The following RPS6KB2 variants were observed in gnomAD, a reference collection of about 807,000 sequenced individuals.
The protein encoded by RPS6KB2 is ribosomal protein S6 kinase B2.
In RPS6KB2, 51 loss-of-function variants were observed where a neutral mutation model predicts 58.2. The ratio of observed to expected loss-of-function variants is 0.88; its 90% CI spans 0.70 to 1.11. RPS6KB2 has a LOEUF of 1.11. RPS6KB2 is among the 50% of genes least tolerant of loss of function. RPS6KB2 has a pLI of 0.00. For synonymous variants in RPS6KB2, 293 were observed against 258.6 expected, an observed-to-expected ratio of 1.13 and a Z score of -1.28; for missense variants, 671 against 655.8, an observed-to-expected ratio of 1.02 and a Z score of -0.25.
chr11:67,433,550 A>C (rs1864123109), intron 10 of RPS6KB2, 103 bp downstream of exon 10: 1 of 878,596 alleles, frequency 1.1e-6, no homozygotes. Context: ...CGGCCTGTGC[A>C]GTTTGCCTCT....
chr11:67,434,840 C>A, intron 14 of RPS6KB2, 146 bp downstream of exon 14: 1 of 991,444 alleles, frequency 1.0e-6, no homozygotes, highest in Non-Finnish European at 1.5e-6. Context: ...GTTCCTACAC[C>A]CCTTGTGGCC....
rs745857359 is a variant in RPS6KB2 at position 67,434,664 on chromosome 11, G to C, written c.1238G>C (p.Arg413Pro). Reference sequence around the variant, plus strand: ...CAGCCCAAGCTGCGCTCACCCAGGCGCCTCAACAGTAGCCCCCGGGCCCCC... The same window carrying C: ...CAGCCCAAGCTGCGCTCACCCAGGCCCCTCAACAGTAGCCCCCGGGCCCCC... ...SFQPKLRSPR[R>P]LNSSPRAPVS... is the part of the protein sequence containing the mutation. The change falls in exon 14 of 15, where the codon CGC becomes CCC. Residue 413 changes from arginine (R) to proline (P), a missense_variant. Arg to Pro is a moderately radical substitution (Grantham distance 103, BLOSUM62 -2). Coordinates refer to ENST00000312629, the MANE Select transcript of RPS6KB2 (RefSeq NM_003952.3). The C allele has an allele frequency of 5.6e-6, 9 of 1,610,194 alleles. No homozygotes were observed. Among genetic ancestry groups the C allele is most frequent in the Non-Finnish European group, 6.8e-6 (8 of 1,179,056 alleles).
rs1021676792 is a variant in RPS6KB2 at position 67,428,691 on chromosome 11, G to C, written c.78+68G>C. The C allele has an allele frequency of 1.2e-5, 17 of 1,453,912 alleles. No homozygotes were observed. In the East Asian group the frequency reaches 2.9e-4, roughly 25 times the overall value. 90.1% of individuals were successfully genotyped at this position (1,453,912 alleles called of 1,614,324 possible). On this transcript the variant is annotated intron_variant, in intron 1 of 14. Transcript: ENST00000312629. Reference sequence around the variant, plus strand: ...CTGTCACCCAGCCGAGGCCGGAGCGGCGGCTCCGCACGCCCAGAGCGGGCT... The same window carrying C: ...CTGTCACCCAGCCGAGGCCGGAGCGCCGGCTCCGCACGCCCAGAGCGGGCT...
rs1490024725 is a variant in RPS6KB2 at position 67,433,413 on chromosome 11, A to G, written c.872A>G (p.Tyr291Cys). 7 of 1,613,504 alleles carry G rather than the reference A, an allele frequency of 4.3e-6. No individual in the cohort carries two copies. In the African/African-American group the frequency reaches 6.7e-5, roughly 15 times the overall value. ...AGGGGCAAGCTGGCACTGCCCCCCT[A>G]CCTCACCCCAGATGCCCGGGACCTT... Reference protein sequence around the residue: ...IIRGKLALPPYLTPDARDLVK... With the variant: ...IIRGKLALPPCLTPDARDLVK... Residue 291 changes from tyrosine to cysteine, a missense_variant, in exon 10 of 15, where the codon TAC (tyrosine) becomes TGC (cysteine). Coordinates refer to ENST00000312629, the MANE Select transcript of RPS6KB2 (RefSeq NM_003952.3).
chr11:67,428,802 A>G, intron 1 of RPS6KB2, 179 bp downstream of exon 1: 2 of 928,192 alleles, frequency 2.2e-6, no homozygotes, highest in South Asian at 1.5e-5. Context: ...CTCTTCCAGA[A>G]CCCCAGCCTT....
chr11:67,432,572 C>A, intron 5 of RPS6KB2, 28 bp from the exon 6 acceptor site: 1 of 1,613,616 alleles, frequency 6.2e-7, no homozygotes, highest in Non-Finnish European at 8.5e-7. Flanking sequence ...GGACCCAGCA[C>A]GTGGCTGCTG....
intron 14 of RPS6KB2, 57 bp downstream of exon 14, chr11:67,434,751 C>A: frequency 7.2e-7 from 1 of 1,382,330 alleles, no homozygotes; most frequent in Non-Finnish European, 1.0e-6. Context: ...GGCAGGATGC[C>A]AGCTCCAGCC....
In RPS6KB2 at chr11:67,433,382, A is replaced by C. The variant is rs747678167; in HGVS notation, c.841A>C (p.Ile281Leu). Residue 281 changes from isoleucine (I) to leucine (L), a missense_variant, in exon 10 of 15, where the codon ATC (isoleucine) becomes CTC (leucine). Coordinates refer to ENST00000312629, the MANE Select transcript of RPS6KB2 (RefSeq NM_003952.3). ...AENRKKTMDK[I>L]IRGKLALPPY... ...GAACCGGAAGAAAACCATGGATAAG[A>C]TCATCAGGGGCAAGCTGGCACTGCC... 1 of 1,613,802 alleles carries C rather than the reference A, an allele frequency of 6.2e-7. No homozygotes were observed. Among genetic ancestry groups the C allele is most frequent in the Non-Finnish European group, 8.5e-7 (1 of 1,179,954 alleles).
In RPS6KB2 at chr11:67,433,226, G is replaced by A. The variant is rs768278648; in HGVS notation, c.798+10G>A. On this transcript the variant is annotated intron_variant, in intron 9 of 14. Coordinates refer to ENST00000312629, the MANE Select transcript of RPS6KB2 (RefSeq NM_003952.3). ...CATGCTCACTGGATCGGCAAGTCCA[G>A]CCCCCGGGGAGGAGGAGGGGCAGGG... 1 of 1,606,956 alleles carries A rather than the reference G, an allele frequency of 6.2e-7. No individual in the cohort carries two copies. Among genetic ancestry groups the A allele is most frequent in the South Asian group, 1.1e-5 (1 of 91,008 alleles).
chr11:67,432,813 G>C lies in RPS6KB2; in HGVS notation c.592G>C (p.Glu198Gln), dbSNP rs187592167. ...CATCATCTACCGGGACCTCAAGCCC[G>C]AGAACATCATGCTCAGCAGCCAGGG... ...QGIIYRDLKP[E>Q]NIMLSSQGHI... Residue 198 changes from glutamate to glutamine, a missense_variant, in exon 7 of 15, where the codon GAG (glutamate) becomes CAG (glutamine). Glu to Gln is a conservative substitution (Grantham distance 29). Coordinates refer to ENST00000312629, the MANE Select transcript of RPS6KB2 (RefSeq NM_003952.3). 6.2e-7 allele frequency: 1 copy of C among 1,614,014 alleles called. No individual in the cohort carries two copies. The highest frequency in any genetic ancestry group is 1.7e-5 in the Admixed American group (1 of 60,022).
chr11:67,430,634 A>G (rs1863990195), intron 4 of RPS6KB2: 1 of 152,006 alleles, frequency 6.6e-6, no homozygotes, highest in Non-Finnish European at 1.5e-5. Context: ...GGGTTTCACC[A>G]TGTTGGTCAG....
In RPS6KB2 at chr11:67,429,182, G is replaced by A; in HGVS notation, c.182G>A (p.Arg61His). Reference sequence around the variant, plus strand: ...ACCAGCGTGAACGTTGGCCCAGAGCGCATCGGGCCCCACTGCTTTGAGCTG... The same window carrying A: ...ACCAGCGTGAACGTTGGCCCAGAGCACATCGGGCCCCACTGCTTTGAGCTG... ...TETSVNVGPE[R>H]IGPHCFELLR... Residue 61 changes from arginine (R) to histidine (H), a missense_variant, in exon 3 of 15, where the codon CGC (arginine) becomes CAC (histidine). Coordinates refer to ENST00000312629, the MANE Select transcript of RPS6KB2 (RefSeq NM_003952.3). 6.2e-7 allele frequency: 1 copy of A among 1,613,838 alleles called. No individual in the cohort carries two copies. Among genetic ancestry groups the A allele is most frequent in the South Asian group, 1.1e-5 (1 of 91,088 alleles).
intron 5 of RPS6KB2, 123 bp from the exon 6 acceptor site, chr11:67,432,477 C>T (rs1864058961): frequency 1.0e-6 from 1 of 1,001,898 alleles, no homozygotes; most frequent in Non-Finnish European, 1.6e-6. Flanking sequence ...ATCCCCACGG[C>T]AGCTCTGTGA....
In RPS6KB2 at chr11:67,435,098, G is replaced by T. The variant is rs369452492; in HGVS notation, c.1378G>T (p.Ala460Ser). The part of the protein sequence containing the change: ...LLPPPPPSTT[A>S]PLPIRPPSGT... ...GCCACCGCCGCCGCCCTCGACCACC[G>T]CCCCTCTCCCCATCCGTCCCCCCTC... The change falls in exon 15 of 15, where the codon GCC becomes TCC. Residue 460 changes from alanine (A) to serine (S), a missense_variant. Ala to Ser is a moderately conservative substitution (Grantham distance 99, BLOSUM62 1). Transcript: ENST00000312629. The T allele has an allele frequency of 3.1e-6, 5 of 1,608,610 alleles. No individual in the cohort carries two copies. In the South Asian group the frequency reaches 4.4e-5, roughly 14 times the overall value.
intron 10 of RPS6KB2, 22 bp downstream of exon 10, chr11:67,433,469 T>C: frequency 6.4e-7 from 1 of 1,552,462 alleles, no homozygotes; most frequent in Non-Finnish European, 8.9e-7. Context: ...TTCTCTCTTC[T>C]CCGGGGCCCT....
chr11:67,434,735 C>T (rs1864204688), intron 14 of RPS6KB2, 41 bp downstream of exon 14: 2 of 1,481,796 alleles, frequency 1.3e-6, no homozygotes, highest in Non-Finnish European at 9.2e-7. Flanking sequence ...GTTAGGGACG[C>T]TGGCAGGCAG....
At position 67,432,804 on chromosome 11, in the gene RPS6KB2, C is replaced by T. The variant is rs778734222; in HGVS notation, c.583C>T (p.Leu195Phe). Residue 195 changes from leucine to phenylalanine, a missense_variant, in exon 7 of 15, where the codon CTC becomes TTC. Physicochemically the swap from Leu to Phe is conservative, Grantham distance 22. Transcript: ENST00000312629. ...CTCCCAGGGCATCATCTACCGGGACCTCAAGCCCGAGAACATCATGCTCAG... is the reference window on the plus strand; with the variant it reads ...CTCCCAGGGCATCATCTACCGGGACTTCAAGCCCGAGAACATCATGCTCAG... ...LHSQGIIYRD[L>F]KPENIMLSSQ... is the part of the protein sequence containing the mutation. 2.5e-6 allele frequency: 4 copies of T among 1,614,086 alleles called. No individual in the cohort carries two copies. Among genetic ancestry groups the T allele is most frequent in the Non-Finnish European group, 3.4e-6 (4 of 1,179,998 alleles).
At chr11:67,434,770 C>A in intron 14 of RPS6KB2, 76 bp downstream of exon 14, 2 of 1,230,912 alleles carry the variant, frequency 1.6e-6, no homozygotes, top group Non-Finnish European at 2.3e-6. Flanking sequence ...CCTTGGGTGC[C>A]TTGGCCACGT....
At chr11:67,434,329 C>T in intron 12 of RPS6KB2, 48 bp from the exon 13 acceptor site, 1 of 1,609,538 alleles carries the variant, frequency 6.2e-7, no homozygotes, top group South Asian at 1.1e-5. Context: ...AGTGGAGAAC[C>T]TGCATCTTGG....
Sources: gnomAD v4.1 joint callset for allele counts on GRCh38, gnomAD v4.1.1 for gene constraint, MANE v1.5 for transcripts, NCBI Gene and HGNC (gene_info 2026-07-23, HGNC 2026-07-21) for gene names.